The following SLC36A4 variants were observed in gnomAD, a reference collection of about 807,000 sequenced individuals.
SLC36A4 encodes the protein solute carrier family 36 member 4.
In SLC36A4, 49 loss-of-function variants were observed where a neutral mutation model predicts 50.5. The observed-to-expected ratio is 0.97, with a 90% CI of 0.77 to 1.23. SLC36A4 has a LOEUF of 1.23. Among genes scored for constraint, SLC36A4 ranks in the 50% most tolerant of loss-of-function variants. The probability of loss-of-function intolerance (pLI) is 0.00; values close to 1 mark genes in which losing one functional copy is unlikely to be tolerated. For synonymous variants in SLC36A4, 207 were observed against 206.5 expected, an observed-to-expected ratio of 1.00 and a Z score of -0.02; for missense variants, 611 against 608.4, an observed-to-expected ratio of 1.00 and a Z score of -0.05.
At chr11:93,197,698 TG>T in intron 1 of SLC36A4, 79 bp downstream of exon 1, 2 of 1,461,764 alleles carry the variant, frequency 1.4e-6, no homozygotes, top group Non-Finnish European at 1.9e-6. Flanking sequence ...GCGGGGCCCC[TG>T]GAGGTGTGGG....
intron 6 of SLC36A4, among the ~76,000 whole-genome samples, chr11:93,178,774 G>A (rs1355402285): frequency 6.6e-6 from 1 of 152,146 alleles, no homozygotes; most frequent in Non-Finnish European, 1.5e-5. Context: ...CATTCCCTCT[G>A]AGAACTGGAG....
At chr11:93,195,261 CAA>C (rs979521176) in intron 1 of SLC36A4, among the ~76,000 whole-genome samples, 4 of 151,900 alleles carry the variant, frequency 2.6e-5, no homozygotes, top group Non-Finnish European at 5.9e-5. Flanking sequence ...AGAAAAACAT[CAA>C]AGACTCTGTA....
rs375735563 is a variant in SLC36A4, at chr11:93,182,714, C to T, written c.359+92G>A. 89 of 847,446 alleles carry T rather than the reference C, an allele frequency of 1.1e-4. No homozygotes were observed. In the East Asian group the frequency reaches 1.9e-3, roughly 19 times the overall value. The allele number at this position is 847,446 out of a possible 1,614,324, so 52.5% of individuals were successfully genotyped here. On this transcript the variant is annotated intron_variant, in intron 4 of 10. Coordinates refer to ENST00000326402, the MANE Select transcript of SLC36A4 (RefSeq NM_152313.4). ...AGATTTATCTACGTAAAAGCTTAAA[C>T]GAAATACAAAGCACAGTAGAATATA...
chr11:93,174,301 T>C (rs1474553389), intron 6 of SLC36A4, among the ~76,000 whole-genome samples: 1 of 149,390 alleles, frequency 6.7e-6, no homozygotes, highest in Non-Finnish European at 1.5e-5. Context: ...TGATTTTGTA[T>C]CCTGAGACTT....
Position 93,185,787 on chromosome 11 carries a change from T to C in SLC36A4, c.83A>G (p.Asn28Ser), listed in dbSNP as rs748875912. The C allele has an allele frequency of 4.4e-6, 7 of 1,607,932 alleles. No homozygotes were observed. In the African/African-American group the frequency reaches 9.4e-5, roughly 22 times the overall value. ...LDMDVMRPLI[N>S]EQNFDGTSDE... ...TGATGTCCCATCAAAATTCTGCTCA[T>C]TTATCAAGGGCCTCATTACATCCAT... Residue 28 changes from asparagine to serine, a missense_variant, in exon 2 of 11, where the codon AAT becomes AGT. Transcript: ENST00000326402.
chr11:93,170,408 A>C (rs940706474), intron 6 of SLC36A4, among the ~76,000 whole-genome samples: 2 of 152,090 alleles, frequency 1.3e-5, no homozygotes, highest in African/African-American at 2.4e-5. Flanking sequence ...CTACATTTGT[A>C]TCTTTTACAT....
chr11:93,196,406 G>T (rs1862425267), intron 1 of SLC36A4, among the ~76,000 whole-genome samples: 1 of 151,860 alleles, frequency 6.6e-6, no homozygotes, highest in African/African-American at 2.4e-5. Flanking sequence ...TCGCTCTGTT[G>T]CCCAGGCTGG....
Position 93,182,886 on chromosome 11 carries a change from T to C in SLC36A4, c.279A>G (p.Pro93=). 1 of 1,607,986 alleles carries C rather than the reference T, an allele frequency of 6.2e-7. No individual in the cohort carries two copies. The highest frequency in any genetic ancestry group is 2.2e-5 in the East Asian group (1 of 44,504). Residue 93 remains proline, a synonymous_variant, in exon 4 of 11, where the codon CCA becomes CCG. Transcript: ENST00000326402. The part of the protein sequence containing the change: ...AIKNAGIVLG[P]ISLVFIGIIS... ...TAATTCCTATAAACACAAGGCTGATTGGTCCAAGCTGTGGGGAAAAAAAAT... is the reference window on the plus strand; with the variant it reads ...TAATTCCTATAAACACAAGGCTGATCGGTCCAAGCTGTGGGGAAAAAAAAT...
chr11:93,156,890 C>A (rs1202771608), intron 9 of SLC36A4, among the ~76,000 whole-genome samples: 1 of 152,122 alleles, frequency 6.6e-6, no homozygotes, highest in African/African-American at 2.4e-5. Context: ...ACTTTTGTTG[C>A]AATTGCTTTT....
intron 10 of SLC36A4, among the ~76,000 whole-genome samples, chr11:93,153,550 C>G (rs752551032): frequency 3.3e-5 from 5 of 151,996 alleles, no homozygotes; most frequent in Non-Finnish European, 7.4e-5. Flanking sequence ...ACTCTTTCCA[C>G]TATACTGAAC....
chr11:93,179,856 T>A (rs1373250956), intron 6 of SLC36A4, among the ~76,000 whole-genome samples: 1 of 152,188 alleles, frequency 6.6e-6, no homozygotes, highest in Non-Finnish European at 1.5e-5. Flanking sequence ...ACTCAGTAGT[T>A]ACAACAGAGA....
intron 10 of SLC36A4, among the ~76,000 whole-genome samples, chr11:93,153,697 T>TA (rs1860210727): frequency 6.6e-6 from 1 of 152,032 alleles, no homozygotes; most frequent in Non-Finnish European, 1.5e-5. Flanking sequence ...GAAAGACCAA[T>TA]ACAAGTAAAA....
chr11:93,172,254 T>A (rs1402659764), intron 6 of SLC36A4, among the ~76,000 whole-genome samples: 1 of 152,146 alleles, frequency 6.6e-6, no homozygotes, highest in Non-Finnish European at 1.5e-5. Flanking sequence ...AAACATTTTA[T>A]TATTTTATTT....
intron 8 of SLC36A4, among the ~76,000 whole-genome samples, chr11:93,165,213 C>G (rs1860807988): frequency 6.6e-6 from 1 of 152,090 alleles, no homozygotes; most frequent in Admixed American, 6.6e-5. Flanking sequence ...TGCTCCCATA[C>G]CAGATCATCA....
intron 1 of SLC36A4, among the ~76,000 whole-genome samples, chr11:93,196,057 T>C (rs959357690): frequency 2.0e-5 from 3 of 152,228 alleles, no homozygotes; most frequent in African/African-American, 7.2e-5. Flanking sequence ...TTGCTCACGA[T>C]GTATCTCAAG....
chr11:93,156,507 C>T (rs1303964806), intron 9 of SLC36A4, among the ~76,000 whole-genome samples: 1 of 151,526 alleles, frequency 6.6e-6, no homozygotes, highest in Non-Finnish European at 1.5e-5. Context: ...GCAACCTCCA[C>T]CTCCCCAGTT....
At chr11:93,171,879 G>C (rs1861154632) in intron 6 of SLC36A4, 1 of 152,074 alleles carries the variant, frequency 6.6e-6, no homozygotes, top group Admixed American at 6.6e-5. Flanking sequence ...TGGAAGGACT[G>C]ATGCTTTATT....
chr11:93,179,156 G>A (rs1012629984), intron 6 of SLC36A4, among the ~76,000 whole-genome samples: 4 of 152,164 alleles, frequency 2.6e-5, no homozygotes, highest in African/African-American at 9.7e-5. Flanking sequence ...AAGTTTTACT[G>A]ACACTTGTGC....
Position 93,146,231 on chromosome 11 carries a change from A to C in SLC36A4, c.*2306T>G, listed in dbSNP as rs1859841779. 1 of 152,026 alleles carries C rather than the reference A, an allele frequency of 6.6e-6. No individual in the cohort carries two copies. Among genetic ancestry groups the C allele is most frequent in the South Asian group, 2.1e-4 (1 of 4,832 alleles). The allele number at this position is 152,026 out of a possible 1,614,324, so 9.4% of individuals were successfully genotyped here. A position where few individuals can be genotyped will look rare whatever the true frequency, so the allele number is the denominator to read the frequency against. On this transcript the variant is annotated 3_prime_UTR_variant, in exon 11 of 11. Transcript: ENST00000326402. ...ATGAATTCCTTAAGGAAAATAAACA[A>C]TGGGCCAAAGTGTAAAAATTAAATA...
Sources: allele counts gnomAD v4.1 joint callset (sites outside exome capture counted in the v4.1 genomes callset), GRCh38; gene constraint gnomAD v4.1.1; transcripts MANE v1.5; gene names NCBI Gene and HGNC (gene_info 2026-07-23, HGNC 2026-07-21).